DDX60L: variants seen among roughly 807,000 people sequenced by gnomAD.
The protein encoded by DDX60L is DExD/H-box 60 like, also known as probable ATP-dependent RNA helicase DDX60-like.
DDX60L carries 191 observed loss-of-function variants against 211.6 expected under a neutral mutation model. The observed-to-expected ratio is 0.90, with a 90% CI of 0.80 to 1.02. The LOEUF is 1.02. Among genes scored for constraint, DDX60L ranks in the 50% least tolerant of loss-of-function variants. The probability of loss-of-function intolerance (pLI) is 0.00; values close to 1 mark genes in which losing one functional copy is unlikely to be tolerated. For synonymous variants in DDX60L, 706 were observed against 694.1 expected (o/e 1.02, Z -0.27); for missense variants, 2,007 against 1,984.1 (o/e 1.01, Z -0.22).
chr4:168,361,386 C>A (rs1739088736), intron 36 of DDX60L, 175 bp from the exon 37 acceptor site: 10 of 474,032 alleles, frequency 2.1e-5, no homozygotes, highest in African/African-American at 4.0e-5. Context: ...GTAAAAACCA[C>A]AAAAAAAATT....
chr4:168,414,347 AG>A (rs2149833779), intron 22 of DDX60L, among the ~76,000 whole-genome samples: 1 of 152,278 alleles, frequency 6.6e-6, no homozygotes, highest in Admixed American at 6.5e-5. Flanking sequence ...TTGTGATATG[AG>A]TATATCTTCA....
At chr4:168,385,471 G>A (rs1054695678) in intron 29 of DDX60L, among the ~76,000 whole-genome samples, 8 of 152,082 alleles carry the variant, frequency 5.3e-5, no homozygotes, top group Admixed American at 2.0e-4. Context: ...TGAGTTCCAT[G>A]AGCCACTCTA....
chr4:168,465,309 T>G (rs1757841277), intron 4 of DDX60L, among the ~76,000 whole-genome samples: 1 of 152,166 alleles, frequency 6.6e-6, no homozygotes, highest in South Asian at 2.1e-4. Context: ...AGATGCCTAT[T>G]CAGCTCACTT....
In DDX60L at chr4:168,395,722, G is replaced by C. The variant is rs899605797; in HGVS notation, c.3657+237C>G. 7.6e-6 allele frequency: 3 copies of C among 397,330 alleles called. No homozygotes were observed. The South Asian group carries it at 1.4e-4, about 18-fold the overall frequency. The allele number at this position is 397,330 out of a possible 1,614,324, so 24.6% of individuals were successfully genotyped here. On this transcript the variant is annotated intron_variant, in intron 27 of 37. Coordinates refer to ENST00000682922, the MANE Select transcript of DDX60L (RefSeq NM_001012967.3). ...AGAATCAGGCTATAAACTAATCCAG[G>C]ATAATAGAGTGAAATAAAATAAGAG...
intron 35 of DDX60L, among the ~76,000 whole-genome samples, chr4:168,372,399 GTAAAAT>G (rs1357052124): frequency 3.3e-5 from 5 of 152,106 alleles, no homozygotes; most frequent in African/African-American, 1.2e-4. Context: ...CAGTGCATGG[GTAAAAT>G]TAAACTGTGG....
intron 1 of DDX60L, among the ~76,000 whole-genome samples, chr4:168,479,751 G>A (rs1261092615): frequency 2.0e-5 from 3 of 149,370 alleles, no homozygotes; most frequent in Admixed American, 6.6e-5. Context: ...GGCGGGTCAC[G>A]AGGTCAGGAG....
At chr4:168,415,933 TGACTTCAGAGCTGTG>T in intron 20 of DDX60L, 134 bp from the exon 21 acceptor site, 1 of 778,754 alleles carries the variant, frequency 1.3e-6, no homozygotes, top group Non-Finnish European at 1.9e-6. Context: ...CCACCTGAGT[TGACTTCAGAGCTGTG>T]GACTTTGGGC....
At chr4:168,463,349 C>T (rs754771724) in intron 4 of DDX60L, among the ~76,000 whole-genome samples, 1 of 152,152 alleles carries the variant, frequency 6.6e-6, no homozygotes, top group Non-Finnish European at 1.5e-5. Context: ...AATCCAAATA[C>T]TGCATGTTGT....
At position 168,424,949 on chromosome 4, in the gene DDX60L, G is replaced by C. The variant is rs773562015; in HGVS notation, c.1931-1175C>G. 9.5e-4 allele frequency among the ~76,000 whole-genome samples: 144 copies of C among 152,140 alleles called. 3 individuals carry two copies. Among genetic ancestry groups the C allele is most frequent in the Non-Finnish European group, 2.1e-4 (14 of 68,022 alleles). On this transcript the variant is annotated intron_variant, in intron 14 of 37. Coordinates refer to ENST00000682922, the MANE Select transcript of DDX60L (RefSeq NM_001012967.3). ...TTCTGGGATGAAGCCTCCTTCCATA[G>C]AAGAAATACAGCATGAATGTACAAA... is the stretch of plus-strand genomic sequence containing the variant.
intron 22 of DDX60L, among the ~76,000 whole-genome samples, 159 bp downstream of exon 22, chr4:168,415,248 AT>A (rs1347562417): frequency 2.6e-5 from 4 of 152,154 alleles, no homozygotes. Flanking sequence ...AAAATAAAAA[AT>A]GTATTAAATT....
chr4:168,414,775 G>A (rs59153080), intron 22 of DDX60L, among the ~76,000 whole-genome samples: 32,388 of 151,794 alleles, frequency 0.21, 3,590 homozygotes, highest in East Asian at 0.28. Flanking sequence ...AAAACTTCAC[G>A]TGTTCTAACT....
In DDX60L at chr4:168,384,473, C is replaced by A. The variant is rs1054148381; in HGVS notation, c.4116+139G>T. ...CTGCACTCCAGCCTAGATGACACAGCAAGACCCTGTCTCCAAAACAATCAA... is the reference window on the plus strand; with the variant it reads ...CTGCACTCCAGCCTAGATGACACAGAAAGACCCTGTCTCCAAAACAATCAA... On this transcript the variant is annotated intron_variant, in intron 30 of 37. Transcript: ENST00000682922. 96 of 1,096,640 alleles carry A rather than the reference C, an allele frequency of 8.8e-5. No homozygotes were observed. In the Middle Eastern group the frequency reaches 9.1e-4, roughly 10 times the overall value. 67.9% of individuals were successfully genotyped at this position (1,096,640 alleles called of 1,614,324 possible).
intron 35 of DDX60L, 85 bp from the exon 36 acceptor site, chr4:168,371,848 G>A: frequency 7.9e-7 from 1 of 1,263,708 alleles, no homozygotes; most frequent in South Asian, 1.7e-5. Flanking sequence ...GTATGAATCT[G>A]TTTCTTAAAG....
intron 1 of DDX60L, among the ~76,000 whole-genome samples, chr4:168,474,871 G>A (rs1398730110): frequency 6.6e-6 from 1 of 151,992 alleles, no homozygotes; most frequent in African/African-American, 2.4e-5. Flanking sequence ...ACTGCCTCAG[G>A]GCTGAAGAAA....
At chr4:168,368,411 G>C (rs982046123) in intron 36 of DDX60L, among the ~76,000 whole-genome samples, 2 of 152,268 alleles carry the variant, frequency 1.3e-5, no homozygotes, top group Admixed American at 6.5e-5. Flanking sequence ...GGGAACCCCT[G>C]CCTAGATTTC....
At chr4:168,413,918 A>G (rs564710229) in intron 22 of DDX60L, among the ~76,000 whole-genome samples, 16 of 152,266 alleles carry the variant, frequency 1.1e-4, no homozygotes, top group African/African-American at 3.6e-4. Flanking sequence ...CCCAAAGAAG[A>G]CTATCTCAAG....
At chr4:168,449,213 C>A (rs910040137) in intron 8 of DDX60L, among the ~76,000 whole-genome samples, 1 of 152,044 alleles carries the variant, frequency 6.6e-6, no homozygotes, top group Non-Finnish European at 1.5e-5. Flanking sequence ...CGGTCTTTGC[C>A]CTTTTTCCAT....
In DDX60L at chr4:168,400,937, C is replaced by T. The variant is rs1746687626; in HGVS notation, c.3380G>A (p.Cys1127Tyr). The T allele has an allele frequency of 6.2e-7, 1 of 1,613,768 alleles. No homozygotes were observed. Among genetic ancestry groups the T allele is most frequent in the Non-Finnish European group, 8.5e-7 (1 of 1,179,752 alleles). The change falls in exon 26 of 38, where the codon TGC (cysteine) becomes TAC (tyrosine). Residue 1127 changes from cysteine (C) to tyrosine (Y), a missense_variant. Cys to Tyr is a radical substitution (Grantham distance 194, BLOSUM62 -2). Transcript: ENST00000682922. Reference protein sequence around the residue: ...DDVGKRAGSVCTFLEKTETKS... With the variant: ...DDVGKRAGSVYTFLEKTETKS... Reference sequence around the variant, plus strand: ...TGTCTCTGTCTTCTCCAGAAAAGTGCACACACTTCCAGCTCTTTTTCCCAC... The same window carrying T: ...TGTCTCTGTCTTCTCCAGAAAAGTGTACACACTTCCAGCTCTTTTTCCCAC...
intron 30 of DDX60L, among the ~76,000 whole-genome samples, chr4:168,381,248 T>A (rs1742894608): frequency 6.6e-6 from 1 of 152,150 alleles, no homozygotes; most frequent in Non-Finnish European, 1.5e-5. Context: ...GGAAGGCAAA[T>A]GCTGATAGTC....
Sources: allele counts gnomAD v4.1 joint callset (sites outside exome capture counted in the v4.1 genomes callset), GRCh38; gene constraint gnomAD v4.1.1; transcripts MANE v1.5; gene names NCBI Gene and HGNC (gene_info 2026-07-23, HGNC 2026-07-21).